Variants in LNX1 observed in about 807,000 individuals in gnomAD.
LNX1 encodes the protein ligand of numb-protein X 1.
A neutral mutation model predicts 68.4 loss-of-function variants in LNX1; 54 were observed. The ratio of observed to expected loss-of-function variants is 0.79; its 90% CI spans 0.63 to 0.99. The LOEUF (loss-of-function observed/expected upper bound fraction) is 0.99, where lower values mean the gene tolerates loss of function less well. Ranked by LOEUF, LNX1 falls within the 50% of genes least tolerant of loss-of-function variation. The pLI is 0.00. For missense variants in LNX1, 906 were observed against 926.4 expected, an observed-to-expected ratio of 0.98 and a Z score of 0.29; for synonymous variants, 336 against 350.0, an observed-to-expected ratio of 0.96 and a Z score of 0.45.
chr4:53,599,838 G>T (rs951167321), intron 2 of LNX1, among the ~76,000 whole-genome samples: 1 of 152,176 alleles, frequency 6.6e-6, no homozygotes, highest in African/African-American at 2.4e-5. Context: ...AAATGTAGAG[G>T]CAGCTGCTCT....
chr4:53,574,501 T>C (rs1393393320), intron 1 of LNX1, among the ~76,000 whole-genome samples: 7 of 152,210 alleles, frequency 4.6e-5, no homozygotes, highest in Admixed American at 3.3e-4. Flanking sequence ...CTTATCTTTC[T>C]TCCCCATCTT....
At chr4:53,519,802 T>C (rs762911499) in intron 2 of LNX1, among the ~76,000 whole-genome samples, 6 of 152,176 alleles carry the variant, frequency 3.9e-5, no homozygotes, top group African/African-American at 1.4e-4. Flanking sequence ...AGTTTGCAAA[T>C]GCGGGAACTT....
At position 53,496,420 on chromosome 4, in the gene LNX1, G is replaced by C. The variant is rs770112996; in HGVS notation, c.979-26C>G. 2.6e-6 allele frequency: 4 copies of C among 1,544,516 alleles called. No homozygotes were observed. The South Asian group carries it at 5.0e-5, about 19-fold the overall frequency. ...CTGGGGGCAGGTGGAACAATCGTGC[G>C]GTCAGCTCCACCTGCCACAACCCTT... On this transcript the variant is annotated intron_variant, in intron 5 of 10. Transcript: ENST00000263925.
At chr4:53,512,920 C>A (rs112051361) in intron 2 of LNX1, among the ~76,000 whole-genome samples, 2,506 of 152,220 alleles carry the variant, frequency 0.016, 36 homozygotes, top group Non-Finnish European at 0.024. Flanking sequence ...TCTCCCTGAG[C>A]ACTCGGGTGA....
chr4:53,513,094 C>T (rs1726480833), intron 2 of LNX1, among the ~76,000 whole-genome samples: 1 of 85,538 alleles, frequency 1.2e-5, no homozygotes, highest in Non-Finnish European at 2.5e-5. Context: ...GCATCTTAAC[C>T]ATACCAACAA....
At chr4:53,503,399 C>T (rs1041338845) in intron 4 of LNX1, among the ~76,000 whole-genome samples, 8 of 152,172 alleles carry the variant, frequency 5.3e-5, no homozygotes, top group African/African-American at 1.2e-4. Flanking sequence ...CTTTGATCCA[C>T]GGGCTGCAGA....
At chr4:53,548,763 T>C (rs571349798) in intron 2 of LNX1, among the ~76,000 whole-genome samples, 2 of 152,280 alleles carry the variant, frequency 1.3e-5, no homozygotes, top group South Asian at 2.1e-4. Flanking sequence ...AGCAAAGATA[T>C]GGAATCAAAC....
chr4:53,469,295 G>C (rs1232908867), intron 9 of LNX1, among the ~76,000 whole-genome samples: 2 of 152,104 alleles, frequency 1.3e-5, no homozygotes, highest in African/African-American at 2.4e-5. Flanking sequence ...AAACCAACGA[G>C]AACAAAGACA....
chr4:53,613,923 C>T (rs1249324675), intron 2 of LNX1, among the ~76,000 whole-genome samples: 1 of 152,178 alleles, frequency 6.6e-6, no homozygotes, highest in Non-Finnish European at 1.5e-5. Flanking sequence ...ACATTCCCAC[C>T]AATGGGGTGT....
chr4:53,479,362 C>T (rs1017970209), intron 7 of LNX1, among the ~76,000 whole-genome samples: 5 of 152,206 alleles, frequency 3.3e-5, no homozygotes, highest in African/African-American at 1.2e-4. Flanking sequence ...TTCTTTCACA[C>T]CTGCTCAGTG....
chr4:53,490,709 G>A (rs1724622583), intron 6 of LNX1, among the ~76,000 whole-genome samples: 1 of 152,188 alleles, frequency 6.6e-6, no homozygotes, highest in Non-Finnish European at 1.5e-5. Flanking sequence ...GATTCACGGA[G>A]TAGACATACA....
intron 1 of LNX1, among the ~76,000 whole-genome samples, chr4:53,644,053 G>A (rs772921833): frequency 7.9e-5 from 12 of 152,030 alleles, no homozygotes; most frequent in South Asian, 2.1e-4. Context: ...GCAAAACCCC[G>A]TGGGTAGACT....
At chr4:53,614,419 C>T (rs564856505) in intron 2 of LNX1, among the ~76,000 whole-genome samples, 77 of 152,272 alleles carry the variant, frequency 5.1e-4, no homozygotes, top group African/African-American at 1.8e-3. Context: ...GGGATCTCTA[C>T]CTCTATCCCT....
At chr4:53,496,508 C>A in intron 5 of LNX1, 114 bp from the exon 6 acceptor site, 8 of 1,318,110 alleles carry the variant, frequency 6.1e-6, no homozygotes, top group Non-Finnish European at 7.1e-6. Context: ...TCTGCTCTCC[C>A]ACCTCATCCT....
intron 9 of LNX1, among the ~76,000 whole-genome samples, chr4:53,471,501 T>C (rs1723181366): frequency 6.6e-6 from 1 of 152,134 alleles, no homozygotes. Context: ...GGGATCTAAT[T>C]AAATGAAAGA....
rs1723611713 is a variant in LNX1 at position 53,477,069 on chromosome 4, G to C, written c.1664-88C>G. 4.5e-6 allele frequency: 5 copies of C among 1,109,082 alleles called. No homozygotes were observed. The South Asian group carries it at 5.0e-5, about 11-fold the overall frequency. The allele number at this position is 1,109,082 out of a possible 1,614,324, so 68.7% of individuals were successfully genotyped here. A position where few individuals can be genotyped will look rare whatever the true frequency, so the allele number is the denominator to read the frequency against. On this transcript the variant is annotated intron_variant, in intron 8 of 10. Transcript: ENST00000263925. ...GTGCAAGGGGATAGGGGCTGACTGG[G>C]ATTGCAGGGATGCAGAGAGGGCAAA...
chr4:53,609,747 T>C (rs1053767183), intron 2 of LNX1, among the ~76,000 whole-genome samples: 1 of 140,278 alleles, frequency 7.1e-6, no homozygotes, highest in Non-Finnish European at 1.5e-5. Flanking sequence ...CTATTATATA[T>C]TATATATAAT....
chr4:53,649,099 G>T (rs1472052042), intron 1 of LNX1, among the ~76,000 whole-genome samples: 4 of 151,638 alleles, frequency 2.6e-5, no homozygotes, highest in Admixed American at 6.6e-5. Context: ...GAATCCAAAA[G>T]GTTCTGATTT....
intron 4 of LNX1, among the ~76,000 whole-genome samples, chr4:53,501,299 TGGG>T (rs1553932749): frequency 2.6e-5 from 1 of 38,792 alleles, no homozygotes; most frequent in African/African-American, 6.2e-5. Flanking sequence ...TTTTTTTTTT[TGGG>T]GGTGGGGGGA....
Sources: gnomAD v4.1 joint callset for allele counts (sites outside exome capture counted in the v4.1 genomes callset) on GRCh38, gnomAD v4.1.1 for gene constraint, MANE v1.5 for transcripts, NCBI Gene and HGNC (gene_info 2026-07-23, HGNC 2026-07-21) for gene names.